FUT8: variants seen among roughly 807,000 people sequenced by gnomAD.
FUT8 encodes alpha-(1,6)-fucosyltransferase.
A neutral mutation model predicts 71.3 loss-of-function variants in FUT8; 29 were observed. The ratio of observed to expected loss-of-function variants is 0.41; its 90% CI spans 0.30 to 0.55. The LOEUF is 0.55. Among genes scored for constraint, FUT8 ranks in the 20% least tolerant of loss-of-function variants. The pLI is 0.34. For missense variants in FUT8, 544 were observed against 702.1 expected (o/e 0.77, Z 2.55); for synonymous variants, 254 against 239.3 (o/e 1.06, Z -0.57).
At chr14:65,640,952 C>T (rs982628781) in intron 6 of FUT8, among the ~76,000 whole-genome samples, 19 of 152,106 alleles carry the variant, frequency 1.2e-4, no homozygotes, top group African/African-American at 4.6e-4. Flanking sequence ...GACTTAAACT[C>T]AAGGGTAATC....
chr14:65,493,114 T>C (rs1185449641), intron 2 of FUT8, among the ~76,000 whole-genome samples: 1 of 152,248 alleles, frequency 6.6e-6, no homozygotes, highest in African/African-American at 2.4e-5. Flanking sequence ...TTTTAGACTT[T>C]GGTGAGTATT....
chr14:65,683,739 G>T (rs1893146593), intron 7 of FUT8, among the ~76,000 whole-genome samples: 1 of 152,090 alleles, frequency 6.6e-6, no homozygotes, highest in Non-Finnish European at 1.5e-5. Flanking sequence ...AATAAAAGCA[G>T]AGGAGGCATA....
rs115938890 is a variant in FUT8 at position 65,550,863 on chromosome 14, T to C, written c.-227-10474T>C. 1.0e-3 allele frequency among the ~76,000 whole-genome samples: 156 copies of C among 152,354 alleles called. 1 individual carries two copies. The highest frequency in any genetic ancestry group is 3.6e-3 in the African/African-American group (149 of 41,580). On this transcript the variant is annotated intron_variant, in intron 2 of 10. Coordinates refer to ENST00000673929, the MANE Select transcript of FUT8 (RefSeq NM_001371533.1). The surrounding 1 kb of genome is among the most constrained non-coding windows in gnomAD (Gnocchi z 4.5). The stretch of plus-strand genomic sequence containing the variant: ...AAGTAATTAATACTTTATTCAACTG[T>C]ACTTCTGTTGATGGGCAATTACGTT...
At chr14:65,722,391 A>G (rs558337811) in intron 8 of FUT8, among the ~76,000 whole-genome samples, 1 of 152,198 alleles carries the variant, frequency 6.6e-6, no homozygotes, top group East Asian at 1.9e-4. Flanking sequence ...GGCTCAAGTG[A>G]TCCTCCTACC....
intron 2 of FUT8, among the ~76,000 whole-genome samples, chr14:65,543,602 G>A (rs190291673): frequency 2.0e-5 from 3 of 152,092 alleles, no homozygotes; most frequent in East Asian, 1.9e-4. Flanking sequence ...TCATTCTTTC[G>A]TTCTTTCTTG....
chr14:65,616,791 AT>A, intron 5 of FUT8, among the ~76,000 whole-genome samples: 1 of 152,138 alleles, frequency 6.6e-6, no homozygotes, highest in East Asian at 1.9e-4. Context: ...TTAAAATAGC[AT>A]TTTTTTAAGG....
chr14:65,392,787 G>A, the FUT8 span, among the ~76,000 whole-genome samples: 1 of 152,150 alleles, frequency 6.6e-6, no homozygotes, highest in South Asian at 2.1e-4. Context: ...TCTAATCTGA[G>A]CAAAAGATTA....
chr14:65,662,366 A>G (rs1892008496), intron 6 of FUT8, among the ~76,000 whole-genome samples: 1 of 152,314 alleles, frequency 6.6e-6, no homozygotes, highest in Middle Eastern at 3.4e-3. Context: ...GGCCTGAGCA[A>G]TAGAGCCAGA....
chr14:65,698,646 C>T (rs1303898432), intron 7 of FUT8, among the ~76,000 whole-genome samples: 1 of 152,112 alleles, frequency 6.6e-6, no homozygotes, highest in Non-Finnish European at 1.5e-5. Flanking sequence ...GTGGCATTTG[C>T]AAATCTCAAA....
intron 7 of FUT8, among the ~76,000 whole-genome samples, chr14:65,716,383 CT>C (rs1283884145): frequency 0.014 from 1,765 of 129,988 alleles, 18 homozygotes; most frequent in Middle Eastern, 0.02. Flanking sequence ...TTCTTTGTCC[CT>C]TTTTTTTTTT....
At chr14:65,594,180 C>T (rs528522994) in intron 3 of FUT8, among the ~76,000 whole-genome samples, 18 of 152,256 alleles carry the variant, frequency 1.2e-4, no homozygotes, top group South Asian at 6.2e-4. Context: ...CCGCTTAACC[C>T]CTTGTGGGAG....
At chr14:65,664,991 A>C (rs972778526) in intron 6 of FUT8, among the ~76,000 whole-genome samples, 3 of 152,104 alleles carry the variant, frequency 2.0e-5, no homozygotes, top group Non-Finnish European at 4.4e-5. Flanking sequence ...AGAAATTATC[A>C]TGTTAGCTAA....
At chr14:65,499,723 G>T (rs1239139689) in intron 2 of FUT8, among the ~76,000 whole-genome samples, 2 of 151,716 alleles carry the variant, frequency 1.3e-5, no homozygotes, top group East Asian at 3.9e-4. Context: ...TGAGGCAGGA[G>T]GATTGCTTGA....
At position 65,446,129 on chromosome 14, in the gene FUT8, A is replaced by G. The variant is rs528804987; in HGVS notation, c.-325-9492A>G. Among the ~76,000 whole-genome samples the G allele has an allele frequency of 2.6e-5, 4 of 152,354 alleles. No homozygotes were observed. In the East Asian group the frequency reaches 5.8e-4, roughly 22 times the overall value. Reference sequence around the variant, plus strand: ...TATATATGTATATTTTGAATTTGATACGTCTTTTAAGCCTTTTAATCTACA... The same window carrying G: ...TATATATGTATATTTTGAATTTGATGCGTCTTTTAAGCCTTTTAATCTACA... On this transcript the variant is annotated intron_variant, in intron 1 of 10. Transcript: ENST00000673929.
chr14:65,533,612 T>C (rs1688496329), intron 2 of FUT8, among the ~76,000 whole-genome samples: 1 of 152,120 alleles, frequency 6.6e-6, no homozygotes, highest in African/African-American at 2.4e-5. Flanking sequence ...AGTGATAGTT[T>C]GACTTATGCC....
the FUT8 span, among the ~76,000 whole-genome samples, chr14:65,394,884 C>T: frequency 6.6e-6 from 1 of 151,870 alleles, no homozygotes; most frequent in East Asian, 1.9e-4. Context: ...TAGCGGACTA[C>T]AGGCATGTGC....
At chr14:65,537,066 C>T (rs1300479438) in intron 2 of FUT8, among the ~76,000 whole-genome samples, 2 of 146,536 alleles carry the variant, frequency 1.4e-5, no homozygotes, top group African/African-American at 5.0e-5. Flanking sequence ...GCTGTTAATA[C>T]TTGAGATTCT....
chr14:65,422,854 A>G (rs2139391838), intron 1 of FUT8, among the ~76,000 whole-genome samples: 1 of 151,254 alleles, frequency 6.6e-6, no homozygotes, highest in South Asian at 2.1e-4. Context: ...GTCTCGCTGT[A>G]TTGCCCAGGC....
At chr14:65,485,550 A>G (rs1041131599) in intron 2 of FUT8, among the ~76,000 whole-genome samples, 3 of 152,188 alleles carry the variant, frequency 2.0e-5, no homozygotes, top group African/African-American at 7.2e-5. Flanking sequence ...GTAACAGGCA[A>G]TATTCCTAAG....
Sources: allele counts gnomAD v4.1 joint callset (sites outside exome capture counted in the v4.1 genomes callset), GRCh38; gene constraint gnomAD v4.1.1; non-coding constraint Gnocchi (gnomAD v3.1); transcripts MANE v1.5; gene names NCBI Gene and HGNC (gene_info 2026-07-23, HGNC 2026-07-21).